Variants in LDLRAD4 observed in about 807,000 individuals in gnomAD.
LDLRAD4 encodes low density lipoprotein receptor class A domain containing 4.
In LDLRAD4, 5 loss-of-function variants were observed where a neutral mutation model predicts 17.0. The ratio of observed to expected loss-of-function variants is 0.29; its 90% CI spans 0.15 to 0.62. The LOEUF is 0.62. Among genes scored for constraint, LDLRAD4 ranks in the 20% least tolerant of loss-of-function variants. The probability of loss-of-function intolerance (pLI) is 0.84; values close to 1 mark genes in which losing one functional copy is unlikely to be tolerated. For synonymous variants in LDLRAD4, 168 were observed against 171.8 expected, an observed-to-expected ratio of 0.98 and a Z score of 0.17; for missense variants, 340 against 424.7, an observed-to-expected ratio of 0.80 and a Z score of 1.75.
intron 1 of LDLRAD4, among the ~76,000 whole-genome samples, chr18:13,226,937 GAGTCAGCACCTGGCT>G (rs2041842242): frequency 6.6e-6 from 1 of 152,236 alleles, no homozygotes; most frequent in East Asian, 1.9e-4. Context: ...GGAGGGGGTG[GAGTCAGCACCTGGCT>G]GTCTGGATAG....
intron 1 of LDLRAD4, among the ~76,000 whole-genome samples, chr18:13,244,379 A>G (rs1235841993): frequency 6.6e-6 from 1 of 151,574 alleles, no homozygotes; most frequent in African/African-American, 2.4e-5. Context: ...ATCTGTCCTA[A>G]CATCCACCCA....
intron 1 of LDLRAD4, among the ~76,000 whole-genome samples, chr18:13,360,601 A>C (rs1475713224): frequency 6.6e-6 from 1 of 152,274 alleles, no homozygotes; most frequent in Non-Finnish European, 1.5e-5. Context: ...AGTAGACATG[A>C]TCTGGATTTT....
chr18:13,410,383 C>T (rs1372206103), intron 2 of LDLRAD4, among the ~76,000 whole-genome samples: 1 of 152,186 alleles, frequency 6.6e-6, no homozygotes, highest in African/African-American at 2.4e-5. Context: ...TTGATGATTG[C>T]ACTGCAGCTG....
In LDLRAD4 at chr18:13,621,306, G is replaced by A. The variant is rs769945625; in HGVS notation, c.336+35G>A. ...CTGGCCGCCCCGGCTCCAGAGTCAG[G>A]CAGCTGCAAGAGGCTTAGGAGCCCA... On this transcript the variant is annotated intron_variant, in intron 4 of 5. Transcript: ENST00000359446. The surrounding 1 kb of genome is among the most constrained non-coding windows in gnomAD (Gnocchi z 5.5). 9 of 1,555,496 alleles carry A rather than the reference G, an allele frequency of 5.8e-6. No homozygotes were observed. The highest frequency in any genetic ancestry group is 7.9e-6 in the Non-Finnish European group (9 of 1,133,632).
chr18:13,588,989 C>T (rs958356660), intron 3 of LDLRAD4, among the ~76,000 whole-genome samples: 5 of 147,126 alleles, frequency 3.4e-5, no homozygotes, highest in African/African-American at 7.6e-5. Flanking sequence ...AGTGCAGTGG[C>T]GCTATCTTGG....
chr18:13,491,538 CA>C (rs1437856834), intron 3 of LDLRAD4: 1 of 152,172 alleles, frequency 6.6e-6, no homozygotes, highest in Non-Finnish European at 1.5e-5. Context: ...TAGCTGGCGC[CA>C]GTGAATCTAG....
intron 1 of LDLRAD4, among the ~76,000 whole-genome samples, chr18:13,356,872 G>A (rs951020929): frequency 1.3e-5 from 2 of 152,196 alleles, no homozygotes; most frequent in Admixed American, 1.3e-4. Context: ...ATTGGCTCAC[G>A]CCTGTAATCC....
rs145924881 is a variant in LDLRAD4, at chr18:13,357,545, A to G, written c.-382-29796A>G. ...TGTTTGTTTATCCTCTGTATTTCCT[A>G]TATCTTGGTAGCTGTATTAGGAAGC... On this transcript the variant is annotated intron_variant, in intron 1 of 5. Coordinates refer to ENST00000359446, the Ensembl canonical transcript of LDLRAD4. 1.9e-3 allele frequency among the ~76,000 whole-genome samples: 288 copies of G among 152,250 alleles called. 2 individuals are homozygous for G. The highest frequency in any genetic ancestry group is 0.012 in the East Asian group (62 of 5,188).
Position 13,367,692 on chromosome 18 carries a change from G to A in LDLRAD4, c.-382-19649G>A, listed in dbSNP as rs1200732913. On this transcript the variant is annotated intron_variant, in intron 1 of 5. Transcript: ENST00000359446. The surrounding 1 kb of genome is among the most constrained non-coding windows in gnomAD (Gnocchi z 4.1). ...GCCGAGAGGGGACAGCCGGGCACGG[G>A]GGCACACGTTGTCAAGGGATATACC... Among the ~76,000 whole-genome samples, 1 of 152,024 alleles carries A rather than the reference G, an allele frequency of 6.6e-6. No homozygotes were observed. The highest frequency in any genetic ancestry group is 2.4e-5 in the African/African-American group (1 of 41,396).
chr18:13,638,196 C>T (rs1395108586), intron 4 of LDLRAD4, among the ~76,000 whole-genome samples: 1 of 152,010 alleles, frequency 6.6e-6, no homozygotes, highest in East Asian at 1.9e-4. Flanking sequence ...TGTTTGAGGC[C>T]AGGAGTTCAA....
intron 3 of LDLRAD4, among the ~76,000 whole-genome samples, chr18:13,578,458 C>T (rs1023370202): frequency 2.0e-5 from 3 of 152,202 alleles, no homozygotes; most frequent in African/African-American, 2.4e-5. Context: ...TCATTGTCAT[C>T]GGAACCACCT....
At chr18:13,357,107 C>T (rs1051450490) in intron 1 of LDLRAD4, among the ~76,000 whole-genome samples, 1 of 152,138 alleles carries the variant, frequency 6.6e-6, no homozygotes, top group Non-Finnish European at 1.5e-5. Flanking sequence ...GCACTCCAGC[C>T]TGGTTGACAG....
At chr18:13,280,107 G>A (rs886647192) in intron 1 of LDLRAD4, 1 of 152,216 alleles carries the variant, frequency 6.6e-6, no homozygotes, top group African/African-American at 2.4e-5. Context: ...GATTTATTTG[G>A]ACTTGGTTTT....
chr18:13,227,979 G>C (rs771774965), intron 1 of LDLRAD4, among the ~76,000 whole-genome samples: 1 of 152,208 alleles, frequency 6.6e-6, no homozygotes, highest in African/African-American at 2.4e-5. Context: ...GCCTAGGTGC[G>C]TGAGCCCAGG....
chr18:13,517,656 A>G (rs565851837), intron 3 of LDLRAD4, among the ~76,000 whole-genome samples: 1 of 152,258 alleles, frequency 6.6e-6, no homozygotes, highest in Non-Finnish European at 1.5e-5. Flanking sequence ...GAAGCCCCAC[A>G]GGTGGGAGAA....
At chr18:13,280,185 G>T (rs2045169512) in intron 1 of LDLRAD4, 1 of 152,252 alleles carries the variant, frequency 6.6e-6, no homozygotes, top group African/African-American at 2.4e-5. Flanking sequence ...CCTCCTCGAT[G>T]AATCTGAAAA....
chr18:13,448,855 T>C (rs1169946421), intron 3 of LDLRAD4, among the ~76,000 whole-genome samples: 1 of 152,182 alleles, frequency 6.6e-6, no homozygotes, highest in Non-Finnish European at 1.5e-5. Context: ...TGCCATGAGA[T>C]ACGTCGTGGA....
At chr18:13,525,446 C>T (rs1252572942) in intron 3 of LDLRAD4, among the ~76,000 whole-genome samples, 2 of 152,236 alleles carry the variant, frequency 1.3e-5, no homozygotes, top group African/African-American at 2.4e-5. Context: ...CCATCCTGGA[C>T]ACCTGGAGAA....
rs185460378 is a variant in LDLRAD4, at chr18:13,392,228, G to A, written c.40+4466G>A. ...TGTGTCCTCCACGGTTCAGCTGTGC[G>A]TGGAGCGGCCCCCACCTGCCTCACA... On this transcript the variant is annotated intron_variant, in intron 2 of 5. Coordinates refer to ENST00000359446, the Ensembl canonical transcript of LDLRAD4. 5.6e-3 allele frequency among the ~76,000 whole-genome samples: 858 copies of A among 152,380 alleles called. 23 individuals are homozygous for A. The highest frequency in any genetic ancestry group is 0.05 in the Admixed American group (770 of 15,314).
Sources: allele counts gnomAD v4.1 joint callset (sites outside exome capture counted in the v4.1 genomes callset), GRCh38; gene constraint gnomAD v4.1.1; non-coding constraint Gnocchi (gnomAD v3.1); transcripts MANE v1.5; gene names NCBI Gene and HGNC (gene_info 2026-07-23, HGNC 2026-07-21).